STXBP5L: variants seen among roughly 807,000 people sequenced by gnomAD.
STXBP5L encodes the protein syntaxin-binding protein 5-like.
In STXBP5L, 65 loss-of-function variants were observed where a neutral mutation model predicts 144.5. The observed-to-expected ratio is 0.45, with a 90% CI of 0.37 to 0.55. The LOEUF (loss-of-function observed/expected upper bound fraction) is 0.55. Among genes scored for constraint, STXBP5L ranks in the 20% least tolerant of loss-of-function variants. The pLI is 0.00. For synonymous variants in STXBP5L, 505 were observed against 469.6 expected, an observed-to-expected ratio of 1.08 and a Z score of -0.97; for missense variants, 1,298 against 1,405.5, an observed-to-expected ratio of 0.92 and a Z score of 1.22.
At chr3:121,382,057 G>A (rs189707174) in intron 22 of STXBP5L, among the ~76,000 whole-genome samples, 1 of 151,980 alleles carries the variant, frequency 6.6e-6, no homozygotes, top group Non-Finnish European at 1.5e-5. Context: ...AATGTTGTAA[G>A]TATTGTTGCC....
In STXBP5L at chr3:121,407,383, G is replaced by A. The variant is rs760392408; in HGVS notation, c.2728G>A (p.Val910Ile). ...TGAAAAATCTTGGAGAAGGAAAGTG[G>A]TAATGAACTCATCTTCTGCATCCCA... ...ENEKSWRRKV[V>I]MNSSSASQEI... Residue 910 changes from valine (V) to isoleucine (I), a missense_variant, in exon 23 of 27, where the codon GTA becomes ATA. Transcript: ENST00000471454. The A allele has an allele frequency of 6.2e-7, 1 of 1,612,912 alleles. No homozygotes were observed. Among genetic ancestry groups the A allele is most frequent in the African/African-American group, 1.3e-5 (1 of 74,850 alleles).
rs2049634160 is a variant in STXBP5L at position 121,240,596 on chromosome 3, A to C, written c.1400+89A>C. 61 of 1,207,136 alleles carry C rather than the reference A, an allele frequency of 5.1e-5. No individual in the cohort carries two copies. In the South Asian group the frequency reaches 7.7e-4, roughly 15 times the overall value. The allele number at this position is 1,207,136 out of a possible 1,614,324, so 74.8% of individuals were successfully genotyped here. ...ACTTTTCCATAATTGTGTTCTATGC[A>C]GAATAATAGTTTAAGTAAAAGTAAA... On this transcript the variant is annotated intron_variant, in intron 14 of 26. Coordinates refer to ENST00000471454, the MANE Select transcript of STXBP5L (RefSeq NM_001308330.2).
chr3:121,363,842 G>C (rs1460688040), intron 20 of STXBP5L, among the ~76,000 whole-genome samples: 1 of 152,016 alleles, frequency 6.6e-6, no homozygotes, highest in Admixed American at 6.6e-5. Context: ...CTGCCATCTT[G>C]CTATGCCTCC....
intron 7 of STXBP5L, among the ~76,000 whole-genome samples, chr3:121,142,441 G>T (rs571442626): frequency 3.3e-5 from 5 of 151,826 alleles, no homozygotes; most frequent in Non-Finnish European, 7.4e-5. Context: ...CCCAACAGCA[G>T]CAAGATATAC....
At chr3:121,278,772 T>A (rs2050959374) in intron 18 of STXBP5L, among the ~76,000 whole-genome samples, 1 of 151,852 alleles carries the variant, frequency 6.6e-6, no homozygotes, top group African/African-American at 2.4e-5. Context: ...AAGTCACATA[T>A]CCTGTAAGTG....
At position 121,313,034 on chromosome 3, in the gene STXBP5L, C is replaced by T. The variant is rs1218412047; in HGVS notation, c.2111-5441C>T. 7.4e-4 allele frequency among the ~76,000 whole-genome samples: 112 copies of T among 151,486 alleles called. No individual in the cohort carries two copies. The East Asian group carries it at 0.01, about 14-fold the overall frequency. Reference sequence around the variant, plus strand: ...GGGGCTCCTCACTTCCCAGTAGGGGCGGCCGGGCAGAAGCGCCCCTCACCT... The same window carrying T: ...GGGGCTCCTCACTTCCCAGTAGGGGTGGCCGGGCAGAAGCGCCCCTCACCT... On this transcript the variant is annotated intron_variant, in intron 19 of 26. Coordinates refer to ENST00000471454, the MANE Select transcript of STXBP5L (RefSeq NM_001308330.2).
At chr3:121,184,911 C>T (rs1302675088) in intron 9 of STXBP5L, among the ~76,000 whole-genome samples, 1 of 152,156 alleles carries the variant, frequency 6.6e-6, no homozygotes, top group African/African-American at 2.4e-5. Flanking sequence ...GACCAATATT[C>T]AACATTCTTA....
At chr3:121,045,784 G>T (rs74723081) in intron 5 of STXBP5L, among the ~76,000 whole-genome samples, 2,938 of 152,204 alleles carry the variant, frequency 0.019, 90 homozygotes, top group African/African-American at 0.066. Context: ...TTTTCTATGT[G>T]TAGACTCATA....
chr3:120,978,167 C>G (rs532472975), intron 3 of STXBP5L, among the ~76,000 whole-genome samples: 2 of 152,340 alleles, frequency 1.3e-5, no homozygotes, highest in Admixed American at 6.5e-5. Flanking sequence ...TTCTCCCTGT[C>G]ACTTTCAGAT....
chr3:121,025,336 C>A (rs896816870), intron 3 of STXBP5L, among the ~76,000 whole-genome samples: 5 of 152,030 alleles, frequency 3.3e-5, no homozygotes. Context: ...GTTGGGATAG[C>A]AAGAAATACT....
chr3:120,985,020 A>T lies in STXBP5L; in HGVS notation c.287+29983A>T, dbSNP rs150340046. ...TCTCAGGAATAAATCCCACTTGGTC[A>T]TGGTGTATAATTCTTTTAATATGCT... On this transcript the variant is annotated intron_variant, in intron 3 of 26. Coordinates refer to ENST00000471454, the MANE Select transcript of STXBP5L (RefSeq NM_001308330.2). Among the ~76,000 whole-genome samples, 12 of 152,182 alleles carry T rather than the reference A, an allele frequency of 7.9e-5. No homozygotes were observed. In the East Asian group the frequency reaches 1.9e-3, roughly 25 times the overall value.
At chr3:121,141,851 G>T (rs1244919920) in intron 7 of STXBP5L, among the ~76,000 whole-genome samples, 2 of 151,710 alleles carry the variant, frequency 1.3e-5, no homozygotes, top group Non-Finnish European at 2.9e-5. Context: ...CAGACAAAAG[G>T]GTTATAAGAC....
chr3:121,378,582 G>A, intron 20 of STXBP5L, 134 bp from the exon 21 acceptor site: 3 of 1,043,464 alleles, frequency 2.9e-6, no homozygotes, highest in Admixed American at 6.5e-5. Flanking sequence ...AAAGAACAAG[G>A]ACTTAACTAT....
intron 6 of STXBP5L, 44 bp downstream of exon 6, chr3:121,115,103 A>G (rs368976258): frequency 1.5e-5 from 23 of 1,565,590 alleles, no homozygotes; most frequent in Admixed American, 1.9e-5. Context: ...TAAATACTTC[A>G]TACAGTTATG....
At chr3:121,411,566 C>A (rs2047115373) in intron 23 of STXBP5L, among the ~76,000 whole-genome samples, 3 of 152,104 alleles carry the variant, frequency 2.0e-5, no homozygotes, top group Admixed American at 2.0e-4. Context: ...AATATTTTAG[C>A]AAAATTATCT....
chr3:121,400,168 T>C (rs1196583503), intron 22 of STXBP5L, among the ~76,000 whole-genome samples: 1 of 152,204 alleles, frequency 6.6e-6, no homozygotes, highest in East Asian at 1.9e-4. Flanking sequence ...AATGAGACAA[T>C]GGAGCATGCA....
At chr3:120,959,907 G>T (rs944044531) in intron 3 of STXBP5L, among the ~76,000 whole-genome samples, 2 of 152,064 alleles carry the variant, frequency 1.3e-5, no homozygotes, top group African/African-American at 4.8e-5. Context: ...TGACAAATGG[G>T]ATCTAATTAA....
chr3:121,098,072 A>G (rs2107767783), intron 5 of STXBP5L, among the ~76,000 whole-genome samples: 1 of 152,188 alleles, frequency 6.6e-6, no homozygotes, highest in Admixed American at 6.5e-5. Context: ...TATTAGTATA[A>G]TTTTCTGTTC....
At chr3:120,977,414 C>G (rs1941190120) in intron 3 of STXBP5L, among the ~76,000 whole-genome samples, 1 of 152,094 alleles carries the variant, frequency 6.6e-6, no homozygotes, top group Non-Finnish European at 1.5e-5. Context: ...TTCCTTCATC[C>G]CTTTATTTTG....
Sources: allele counts gnomAD v4.1 joint callset (sites outside exome capture counted in the v4.1 genomes callset), GRCh38; gene constraint gnomAD v4.1.1; transcripts MANE v1.5; gene names NCBI Gene and HGNC (gene_info 2026-07-23, HGNC 2026-07-21).